CDKN3: variants seen among roughly 807,000 people sequenced by gnomAD.
CDKN3 encodes the protein cyclin dependent kinase inhibitor 3.
Under a neutral mutation model 36.1 loss-of-function variants are expected in CDKN3, and 19 were observed. That is an observed-to-expected ratio of 0.53 (90% CI 0.37 to 0.77). The LOEUF (loss-of-function observed/expected upper bound fraction) is 0.77, where lower values mean the gene tolerates loss of function less well. Among genes scored for constraint, CDKN3 ranks in the 30% least tolerant of loss-of-function variants. The pLI, the probability that CDKN3 is intolerant of heterozygous loss-of-function variation, is 0.00. For synonymous variants in CDKN3, 71 were observed against 85.3 expected (o/e 0.83, Z 0.92); for missense variants, 188 against 248.6 (o/e 0.76, Z 1.64).
chr14:54,408,908 G>C (rs951912132), intron 4 of CDKN3, 119 bp downstream of exon 4: 8 of 1,320,488 alleles, frequency 6.1e-6, no homozygotes, highest in African/African-American at 1.5e-5. Flanking sequence ...TTTCAATATT[G>C]TGTGAAGTTC....
chr14:54,407,912 C>T (rs1021099049), intron 3 of CDKN3, among the ~76,000 whole-genome samples: 4 of 152,152 alleles, frequency 2.6e-5, no homozygotes, highest in Admixed American at 6.6e-5. Context: ...AGAAATCACC[C>T]GTCTTCTTTC....
intron 3 of CDKN3, among the ~76,000 whole-genome samples, chr14:54,407,688 C>T (rs1484512881): frequency 1.3e-5 from 2 of 152,172 alleles, no homozygotes; most frequent in Non-Finnish European, 2.9e-5. Context: ...ATGGTGGATG[C>T]CCCTCCCCCC....
rs931202029 is a variant in CDKN3, at chr14:54,411,477, T to C, written c.194-7T>C. ...GTGTGTGTCTGTGTATCCTGGTCTA[T>C]TGGCAGAAGAACTAAAGAGCTGTGG... On this transcript the variant is annotated splice_region_variant and splice_polypyrimidine_tract_variant and intron_variant, in intron 4 of 7. Transcript: ENST00000335183. The C allele has an allele frequency of 1.2e-6, 2 of 1,608,404 alleles. No individual in the cohort carries two copies. The highest frequency in any genetic ancestry group is 2.2e-5 in the East Asian group (1 of 44,848).
intron 5 of CDKN3, chr14:54,413,894 T>G: frequency 2.5e-6 from 3 of 1,196,690 alleles, no homozygotes; most frequent in Non-Finnish European, 1.1e-6. Context: ...CAGAAATTTC[T>G]TCTTTCCCAT....
intron 7 of CDKN3, 72 bp downstream of exon 7, chr14:54,418,023 A>G: frequency 1.2e-6 from 1 of 827,320 alleles, no homozygotes; most frequent in South Asian, 1.5e-5. Context: ...ATGTGTAACC[A>G]AAAGGTTACA....
intron 3 of CDKN3, 153 bp from the exon 4 acceptor site, chr14:54,408,592 A>G (rs961962875): frequency 1.0e-5 from 9 of 872,658 alleles, no homozygotes; most frequent in Non-Finnish European, 1.2e-5. Context: ...ATTCCTAGAA[A>G]TATAAGAAAT....
In CDKN3 at chr14:54,415,329, T is replaced by C. The variant is rs192784211; in HGVS notation, c.417-570T>C. On this transcript the variant is annotated intron_variant, in intron 5 of 7. Transcript: ENST00000335183. The stretch of plus-strand genomic sequence containing the variant: ...GCCTCATTTAATCCTCACTCTGATG[T>C]ACATACTATTGCTATCACCATTTTA... Among the ~76,000 whole-genome samples, 8 of 152,348 alleles carry C rather than the reference T, an allele frequency of 5.3e-5. No homozygotes were observed. In the East Asian group the frequency reaches 1.5e-3, roughly 29 times the overall value.
chr14:54,398,266 G>T (rs1361235512), intron 1 of CDKN3, among the ~76,000 whole-genome samples: 3 of 152,212 alleles, frequency 2.0e-5, no homozygotes, highest in Non-Finnish European at 2.9e-5. Flanking sequence ...TAATCCCTAT[G>T]TTGCCATGTG....
At chr14:54,406,549 T>C (rs989876577) in intron 3 of CDKN3, among the ~76,000 whole-genome samples, 6 of 151,974 alleles carry the variant, frequency 3.9e-5, no homozygotes, top group African/African-American at 1.2e-4. Context: ...TTTAATTCTT[T>C]TTTCTCTAAT....
chr14:54,417,252 T>C (rs1307736096), intron 6 of CDKN3, among the ~76,000 whole-genome samples: 5 of 152,242 alleles, frequency 3.3e-5, no homozygotes, highest in Non-Finnish European at 7.3e-5. Flanking sequence ...ACAGCCTAAA[T>C]GTCCATCAGT....
chr14:54,398,524 G>A (rs1385407525), intron 1 of CDKN3, among the ~76,000 whole-genome samples: 1 of 152,198 alleles, frequency 6.6e-6, no homozygotes, highest in Non-Finnish European at 1.5e-5. Flanking sequence ...GGTGAACAAG[G>A]GGCAAGCCCA....
chr14:54,399,859 C>A (rs374375087), intron 1 of CDKN3, 35 bp from the exon 2 acceptor site: 17 of 1,120,124 alleles, frequency 1.5e-5, no homozygotes, highest in African/African-American at 6.1e-5. Context: ...CAAAAAAATT[C>A]TTTACAGTTA....
intron 5 of CDKN3, among the ~76,000 whole-genome samples, chr14:54,412,117 G>A (rs1018817471): frequency 2.0e-5 from 3 of 152,126 alleles, no homozygotes; most frequent in African/African-American, 4.8e-5. Context: ...GCAGTGGCTC[G>A]CGCCTGTAAT....
At chr14:54,402,301 T>TGTGTGTGC (rs1491102733) in intron 3 of CDKN3, among the ~76,000 whole-genome samples, 2 of 89,644 alleles carry the variant, frequency 2.2e-5, no homozygotes, top group Admixed American at 2.3e-4. Context: ...TTCCATGGCA[T>TGTGTGTGC]GTGTGTGCGT....
intron 2 of CDKN3, 75 bp from the exon 3 acceptor site, chr14:54,401,449 T>C (rs2029936832): frequency 7.3e-6 from 7 of 961,400 alleles, no homozygotes; most frequent in South Asian, 5.6e-5. Flanking sequence ...CAAGCACCCA[T>C]ATTGATTAAA....
intron 4 of CDKN3, chr14:54,411,176 C>CAAAAAAAAAAAAA (rs376186329): frequency 1.7e-5 from 2 of 120,114 alleles, no homozygotes; most frequent in African/African-American, 9.6e-5. Flanking sequence ...GACTCCATCT[C>CAAAAAAAAAAAAA]AAAAAAAAAA....
intron 1 of CDKN3, among the ~76,000 whole-genome samples, chr14:54,398,987 C>CTTTTTTTTTTTTT (rs113342693): frequency 1.0e-4 from 11 of 109,274 alleles, no homozygotes; most frequent in African/African-American, 1.4e-4. Flanking sequence ...TTTCTTCTTC[C>CTTTTTTTTTTTTT]TTTTTTTTTT....
chr14:54,412,979 C>T (rs898420492), intron 5 of CDKN3: 6 of 455,436 alleles, frequency 1.3e-5, no homozygotes, highest in African/African-American at 2.0e-5. Flanking sequence ...CAGCCAACTT[C>T]TCCTCTTAAA....
At chr14:54,403,272 T>C (rs1344786988) in intron 3 of CDKN3, among the ~76,000 whole-genome samples, 1 of 152,234 alleles carries the variant, frequency 6.6e-6, no homozygotes, top group African/African-American at 2.4e-5. Flanking sequence ...TCACATACCT[T>C]GTAAGTTTTA....
Sources: allele counts gnomAD v4.1 joint callset (sites outside exome capture counted in the v4.1 genomes callset), GRCh38; gene constraint gnomAD v4.1.1; transcripts MANE v1.5; gene names NCBI Gene and HGNC (gene_info 2026-07-23, HGNC 2026-07-21).